NFATC1: variants seen among roughly 807,000 people sequenced by gnomAD.
The protein encoded by NFATC1 is nuclear factor of activated T cells 1, also known as nuclear factor of activated T-cells, cytoplasmic 1.
In NFATC1, 22 loss-of-function variants were observed where a neutral mutation model predicts 76.0. That is an observed-to-expected ratio of 0.29 (90% confidence interval 0.21 to 0.41). The LOEUF is 0.41. Among genes scored for constraint, NFATC1 ranks in the 10% least tolerant of loss-of-function variants. The pLI, the probability that NFATC1 is intolerant of heterozygous loss-of-function variation, is 1.00. For synonymous variants in NFATC1, 704 were observed against 613.1 expected (o/e 1.15, Z -2.19); for missense variants, 1,357 against 1,337.7 (o/e 1.01, Z -0.23).
intron 2 of NFATC1, among the ~76,000 whole-genome samples, chr18:79,432,178 AC>A (rs2086614227): frequency 1.3e-5 from 2 of 152,188 alleles, no homozygotes; most frequent in African/African-American, 4.8e-5. Context: ...TGGGGCTTGT[AC>A]TTAAAACTGA....
chr18:79,413,976 C>T (rs567332909), intron 2 of NFATC1, among the ~76,000 whole-genome samples: 1 of 152,256 alleles, frequency 6.6e-6, no homozygotes, highest in African/African-American at 2.4e-5. Flanking sequence ...ACAAACAAAG[C>T]TCAGTAAATA....
chr18:79,492,304 G>T (rs2089703065), intron 9 of NFATC1, among the ~76,000 whole-genome samples: 1 of 152,154 alleles, frequency 6.6e-6, no homozygotes, highest in Non-Finnish European at 1.5e-5. Context: ...ATGAGGCTGG[G>T]CACGGTGGCT....
chr18:79,471,158 G>T (rs781585912), intron 8 of NFATC1, among the ~76,000 whole-genome samples: 2 of 152,308 alleles, frequency 1.3e-5, no homozygotes, highest in South Asian at 2.1e-4. Flanking sequence ...TTAATCTCCC[G>T]GAAGGCGCGT....
In NFATC1 at chr18:79,451,023, C is replaced by G; in HGVS notation, c.1659C>G (p.Ile553Met). ...DIELRKGETD[I>M]GRKNTRVRLV... Reference sequence around the variant, plus strand: ...AACTTCGGAAAGGAGAGACGGACATCGGGAGGAAGAACACACGGGTACGGC... The same window carrying G: ...AACTTCGGAAAGGAGAGACGGACATGGGGAGGAAGAACACACGGGTACGGC... Residue 553 changes from isoleucine to methionine, a missense_variant, in exon 5 of 10, where the codon ATC (isoleucine) becomes ATG (methionine). Transcript: ENST00000427363. The G allele has an allele frequency of 1.2e-6, 2 of 1,613,844 alleles. No homozygotes were observed. The highest frequency in any genetic ancestry group is 1.1e-5 in the South Asian group (1 of 91,090).
intron 8 of NFATC1, among the ~76,000 whole-genome samples, chr18:79,480,145 G>T (rs7228321): frequency 0.079 from 12,053 of 152,278 alleles, 1,517 homozygotes; most frequent in African/African-American, 0.27. Flanking sequence ...AGATGCCGTC[G>T]TGGGTGGGGC....
chr18:79,411,176 T>C lies in NFATC1; in HGVS notation c.901T>C (p.Leu301=). 6.2e-7 allele frequency: 1 copy of C among 1,611,860 alleles called. No homozygotes were observed. The highest frequency in any genetic ancestry group is 1.1e-5 in the South Asian group (1 of 91,076). ...PRVSVTDDSW[L]GNTTQYTSSA... Reference sequence around the variant, plus strand: ...GGTCAGCGTGACCGACGACTCGTGGTTGGGCAACACCACCCAGTACACCAG... The same window carrying C: ...GGTCAGCGTGACCGACGACTCGTGGCTGGGCAACACCACCCAGTACACCAG... Residue 301 remains leucine (L), a synonymous_variant, in exon 2 of 10, where the codon TTG becomes CTG. Coordinates refer to ENST00000427363, the MANE Select transcript of NFATC1 (RefSeq NM_001278669.2).
At chr18:79,408,749 A>G (rs1205570234) in intron 1 of NFATC1, among the ~76,000 whole-genome samples, 3 of 152,040 alleles carry the variant, frequency 2.0e-5, no homozygotes, top group African/African-American at 4.8e-5. Context: ...TCATCAAACC[A>G]TTACTCCTCC....
intron 1 of NFATC1, among the ~76,000 whole-genome samples, chr18:79,409,325 C>T (rs1482840338): frequency 9.8e-6 from 1 of 102,496 alleles, no homozygotes; most frequent in Non-Finnish European, 2.3e-5. Flanking sequence ...ATTCCCTATC[C>T]ATTCATTCAT....
At chr18:79,434,220 C>CGGGCCT (rs1473330663) in intron 3 of NFATC1, among the ~76,000 whole-genome samples, 1 of 152,186 alleles carries the variant, frequency 6.6e-6, no homozygotes, top group Non-Finnish European at 1.5e-5. Flanking sequence ...GCTTCCAGAG[C>CGGGCCT]GGGCCTGGGC....
intron 9 of NFATC1, among the ~76,000 whole-genome samples, chr18:79,520,252 G>A (rs2090484151): frequency 6.6e-6 from 1 of 152,084 alleles, no homozygotes; most frequent in Admixed American, 6.5e-5. Flanking sequence ...GAGCTGGAGA[G>A]TCGGCAGCCC....
At chr18:79,430,264 G>C (rs183979049) in intron 2 of NFATC1, among the ~76,000 whole-genome samples, 1 of 152,192 alleles carries the variant, frequency 6.6e-6, no homozygotes, top group Non-Finnish European at 1.5e-5. Flanking sequence ...GACCAGCGGT[G>C]GGGGGAGGCG....
At chr18:79,424,365 G>A (rs1222748579) in intron 2 of NFATC1, among the ~76,000 whole-genome samples, 2 of 152,274 alleles carry the variant, frequency 1.3e-5, no homozygotes, top group East Asian at 3.8e-4. Context: ...GGCCTCCGAG[G>A]AGCCTCTGAC....
chr18:79,519,732 A>C (rs2090468203), intron 9 of NFATC1, among the ~76,000 whole-genome samples: 1 of 152,122 alleles, frequency 6.6e-6, no homozygotes, highest in South Asian at 2.1e-4. Flanking sequence ...TGCATGTTTA[A>C]ATTTTTATTC....
intron 1 of NFATC1, among the ~76,000 whole-genome samples, chr18:79,402,183 A>G (rs531076087): frequency 6.6e-6 from 1 of 152,338 alleles, no homozygotes; most frequent in South Asian, 2.1e-4. Flanking sequence ...TCCTCCTGTG[A>G]CTGCACAGGT....
intron 8 of NFATC1, among the ~76,000 whole-genome samples, chr18:79,482,404 G>A (rs1448691058): frequency 7.8e-6 from 1 of 127,994 alleles, no homozygotes; most frequent in Admixed American, 8.0e-5. Flanking sequence ...AGCATGACCT[G>A]GTTCCTGGGG....
At chr18:79,437,555 T>C (rs11663658) in intron 3 of NFATC1, among the ~76,000 whole-genome samples, 15,831 of 152,250 alleles carry the variant, frequency 0.1, 1,088 homozygotes, top group Non-Finnish European at 0.15. Context: ...TGTCTGCTTC[T>C]CACCAGCATT....
At chr18:79,444,249 T>G (rs1409194347) in intron 3 of NFATC1, among the ~76,000 whole-genome samples, 1 of 152,070 alleles carries the variant, frequency 6.6e-6, no homozygotes, top group Non-Finnish European at 1.5e-5. Flanking sequence ...CATTTCCCAG[T>G]GTGGCTGTGC....
chr18:79,396,731 C>T (rs2085018046), intron 1 of NFATC1, among the ~76,000 whole-genome samples: 1 of 152,062 alleles, frequency 6.6e-6, no homozygotes, highest in Admixed American at 6.5e-5. Flanking sequence ...GTGAAGGATG[C>T]CCCGTGTCTT....
At chr18:79,480,708 G>T (rs576083019) in intron 8 of NFATC1, among the ~76,000 whole-genome samples, 202 of 152,318 alleles carry the variant, frequency 1.3e-3, no homozygotes, top group African/African-American at 4.6e-3. Context: ...AGCGGCTCTC[G>T]GGCATAGCCG....
Sources: gnomAD v4.1 joint callset for allele counts (sites outside exome capture counted in the v4.1 genomes callset) on GRCh38, gnomAD v4.1.1 for gene constraint, MANE v1.5 for transcripts, NCBI Gene and HGNC (gene_info 2026-07-23, HGNC 2026-07-21) for gene names.